The following SMG1 variants were observed in gnomAD, a reference collection of about 807,000 sequenced individuals.
The protein encoded by SMG1 is SMG1 nonsense mediated mRNA decay associated PI3K related kinase, also known as serine/threonine-protein kinase SMG1.
Under a neutral mutation model 419.9 loss-of-function variants are expected in SMG1, and 22 were observed. That is an observed-to-expected ratio of 0.05 (90% CI 0.04 to 0.07). The LOEUF is 0.07. Ranked by LOEUF, SMG1 falls within the 10% of genes least tolerant of loss-of-function variation. The pLI, the probability that SMG1 is intolerant of heterozygous loss-of-function variation, is 1.00. For synonymous variants in SMG1, 1,538 were observed against 1,553.5 expected, an observed-to-expected ratio of 0.99 and a Z score of 0.23; for missense variants, 3,185 against 4,342.0, an observed-to-expected ratio of 0.73 and a Z score of 7.49.
chr16:18,875,065 C>G (rs568207194), intron 13 of SMG1: 14 of 152,122 alleles, frequency 9.2e-5, no homozygotes, highest in Non-Finnish European at 1.8e-4. Flanking sequence ...CAAGTCTAAA[C>G]ACGAAATTCA....
chr16:18,907,540 C>T (rs1393000829), intron 1 of SMG1, among the ~76,000 whole-genome samples: 2 of 151,856 alleles, frequency 1.3e-5, no homozygotes, highest in Non-Finnish European at 2.9e-5. Flanking sequence ...CCCAAGCTAG[C>T]TTACAACCTT....
rs776429521 is a variant in SMG1, at chr16:18,925,955, T to A, written c.87A>T (p.Gln29His). Residue 29 changes from glutamine (Q) to histidine (H), a missense_variant, in exon 1 of 63, where the codon CAA becomes CAT. Gln to His is a conservative substitution (Grantham distance 24, BLOSUM62 0). Coordinates refer to ENST00000446231, the MANE Select transcript of SMG1 (RefSeq NM_015092.5). ...TKYPRSWNDW[Q>H]PRTDSASADP... is the part of the protein sequence containing the mutation. ...GTCCCGGGCCGGTCACCCACCTGGG[T>A]TGCCAGTCATTCCAGCTCCGCGGAT... 4 of 1,560,774 alleles carry A rather than the reference T, an allele frequency of 2.6e-6. No individual in the cohort carries two copies. The highest frequency in any genetic ancestry group is 3.4e-6 in the Non-Finnish European group (4 of 1,159,976).
intron 22 of SMG1, 60 bp downstream of exon 22, chr16:18,868,130 A>C: frequency 1.5e-6 from 2 of 1,375,720 alleles, no homozygotes; most frequent in Non-Finnish European, 1.0e-6. Context: ...ATACCAAAGG[A>C]ATTAAACCAT....
chr16:18,844,420 T>C (rs1382930901), intron 39 of SMG1, among the ~76,000 whole-genome samples: 6 of 108,134 alleles, frequency 5.5e-5, no homozygotes, highest in Non-Finnish European at 1.1e-4. Context: ...AGAGACTCCA[T>C]CTCAAAAAAA....
At chr16:18,828,252 T>C (rs2141193440) in intron 54 of SMG1, 84 bp from the exon 55 acceptor site, 3 of 1,367,298 alleles carry the variant, frequency 2.2e-6, no homozygotes, top group Admixed American at 4.5e-5. Context: ...AACCTAGGAC[T>C]GGCGGAAGAG....
At chr16:18,812,643 C>CACACAT (rs879421299) in intron 60 of SMG1, among the ~76,000 whole-genome samples, 1 of 133,628 alleles carries the variant, frequency 7.5e-6, no homozygotes, top group Non-Finnish European at 1.6e-5. Flanking sequence ...TATATATACA[C>CACACAT]ATATACACAC....
At chr16:18,810,035 T>A (rs146527943) in intron 62 of SMG1, among the ~76,000 whole-genome samples, 5 of 151,710 alleles carry the variant, frequency 3.3e-5, no homozygotes, top group African/African-American at 9.7e-5. Context: ...TATACAAGAA[T>A]ATAATAGTGT....
intron 31 of SMG1, 124 bp downstream of exon 31, chr16:18,853,458 TA>T: frequency 1.1e-6 from 1 of 889,640 alleles, no homozygotes; most frequent in Non-Finnish European, 1.6e-6. Context: ...AACAATAAAA[TA>T]AACTCAACTT....
intron 25 of SMG1, among the ~76,000 whole-genome samples, chr16:18,862,907 T>A (rs934572042): frequency 6.6e-6 from 1 of 152,242 alleles, no homozygotes; most frequent in African/African-American, 2.4e-5. Context: ...GGCATCCTGA[T>A]GGGCATGCCT....
chr16:18,834,338 T>C lies in SMG1; in HGVS notation c.8431A>G (p.Met2811Val), dbSNP rs763220995. The C allele has an allele frequency of 1.2e-6, 2 of 1,613,780 alleles. No individual in the cohort carries two copies. Among genetic ancestry groups the C allele is most frequent in the South Asian group, 1.1e-5 (1 of 90,974 alleles). Residue 2811 changes from methionine (M) to valine (V), a missense_variant, in exon 50 of 63, where the codon ATG becomes GTG. Around this residue, in one of 27 missense-constraint regions of SMG1, gnomAD observed 412 missense variants for 546.6 expected, o/e 0.75. Coordinates refer to ENST00000446231, the MANE Select transcript of SMG1 (RefSeq NM_015092.5). ...GAWFLEELCS[M>V]SGNVTCLVQL... The stretch of plus-strand genomic sequence containing the variant: ...ACCAAGCAGGTGACGTTTCCGCTCA[T>C]ACTGCAGAGTTCCTCCAAGAACCAG...
At position 18,859,049 on chromosome 16, in the gene SMG1, G is replaced by C; in HGVS notation, c.4086C>G (p.Asn1362Lys). ...CTGTTGAAAGTCTGTTAGAAACTGT[G>C]TTCTCCAAAGCAGATGAGCAATACA... ...LQLYCSSALE[N>K]TVSNRLSTED... Residue 1362 changes from asparagine (N) to lysine (K), a missense_variant, in exon 28 of 63, where the codon AAC becomes AAG. Around this residue, in one of 27 missense-constraint regions of SMG1, gnomAD observed 493 missense variants for 552.9 expected, o/e 0.89. Transcript: ENST00000446231. 6.5e-7 allele frequency: 1 copy of C among 1,533,804 alleles called. No homozygotes were observed. The highest frequency in any genetic ancestry group is 8.7e-7 in the Non-Finnish European group (1 of 1,146,050).
chr16:18,860,414 C>G (rs2035153309), intron 26 of SMG1, among the ~76,000 whole-genome samples: 1 of 151,994 alleles, frequency 6.6e-6, no homozygotes, highest in Non-Finnish European at 1.5e-5. Context: ...CTACTTTGTC[C>G]TTTATCAAAC....
chr16:18,857,333 C>G (rs1397887609), intron 29 of SMG1: 2 of 152,178 alleles, frequency 1.3e-5, no homozygotes, highest in African/African-American at 4.8e-5. Flanking sequence ...AATATTTATA[C>G]AAATAGTAAT....
chr16:18,872,026 A>T (rs908519170), intron 15 of SMG1, among the ~76,000 whole-genome samples, 158 bp downstream of exon 15: 1 of 152,168 alleles, frequency 6.6e-6, no homozygotes, highest in African/African-American at 2.4e-5. Context: ...TAAATAATAA[A>T]ACCAAATTAT....
intron 42 of SMG1, 48 bp downstream of exon 42, chr16:18,839,650 G>A (rs1246176544): frequency 6.2e-7 from 1 of 1,601,934 alleles, no homozygotes; most frequent in Admixed American, 1.7e-5. Context: ...GAAGGTAGCA[G>A]GCAAAAGAAA....
At chr16:18,867,697 C>CT (rs1257464866) in intron 22 of SMG1, among the ~76,000 whole-genome samples, 62 of 125,446 alleles carry the variant, frequency 4.9e-4, no homozygotes, top group Middle Eastern at 4.3e-3. Context: ...ATTATTTTAA[C>CT]TTCTTTTTTT....
chr16:18,814,521 A>G, intron 60 of SMG1, among the ~76,000 whole-genome samples: 1 of 152,046 alleles, frequency 6.6e-6, no homozygotes, highest in East Asian at 1.9e-4. Flanking sequence ...AAAAATAAAA[A>G]CAATTTTTTT....
At chr16:18,916,383 C>T (rs558128057) in intron 1 of SMG1, among the ~76,000 whole-genome samples, 3 of 151,084 alleles carry the variant, frequency 2.0e-5, no homozygotes, top group Non-Finnish European at 3.0e-5. Flanking sequence ...GGCGAGGTGG[C>T]GGGCGCCTGT....
At position 18,836,494 on chromosome 16, in the gene SMG1, G is replaced by A; in HGVS notation, c.7643C>T (p.Ala2548Val). Residue 2548 changes from alanine (A) to valine (V), a missense_variant, in exon 47 of 63, where the codon GCT (alanine) becomes GTT (valine). Physicochemically the swap from Ala to Val is moderately conservative, Grantham distance 64. Around this residue, in one of 27 missense-constraint regions of SMG1, gnomAD observed 412 missense variants for 546.6 expected, o/e 0.75. Transcript: ENST00000446231. ...CTTCACCTGGATTGCTTCCTGAACAGCTCTTTGCTGAGTCTGTAGTTGGGT... is the reference window on the plus strand; with the variant it reads ...CTTCACCTGGATTGCTTCCTGAACAACTCTTTGCTGAGTCTGTAGTTGGGT... ...EHTQLQTQQR[A>V]VQEAIQVKLN... 3 of 1,614,006 alleles carry A rather than the reference G, an allele frequency of 1.9e-6. No individual in the cohort carries two copies. Among genetic ancestry groups the A allele is most frequent in the Non-Finnish European group, 2.5e-6 (3 of 1,179,890 alleles).
Sources: allele counts gnomAD v4.1 joint callset (sites outside exome capture counted in the v4.1 genomes callset), GRCh38; gene constraint gnomAD v4.1.1; regional missense constraint gnomAD v4.1.1; transcripts MANE v1.5; gene names NCBI Gene and HGNC (gene_info 2026-07-23, HGNC 2026-07-21).